Variants in PRKN observed in about 807,000 individuals in gnomAD.
PRKN encodes the protein parkin RBR E3 ubiquitin protein ligase.
In PRKN, 56 loss-of-function variants were observed where a neutral mutation model predicts 59.5. The observed-to-expected ratio is 0.94, with a 90% confidence interval of 0.76 to 1.18. The LOEUF (loss-of-function observed/expected upper bound fraction) is 1.18. Among genes scored for constraint, PRKN ranks in the 50% most tolerant of loss-of-function variants. PRKN has a pLI of 0.00. For missense variants in PRKN, 657 were observed against 596.4 expected, an observed-to-expected ratio of 1.10 and a Z score of -1.06; for synonymous variants, 250 against 222.1, an observed-to-expected ratio of 1.13 and a Z score of -1.12.
At chr6:162,048,753 T>C (rs1200091376) in intron 5 of PRKN, among the ~76,000 whole-genome samples, 1 of 150,962 alleles carries the variant, frequency 6.6e-6, no homozygotes, top group Non-Finnish European at 1.5e-5. Flanking sequence ...ATAAGAGAGT[T>C]TACAAATTTG....
intron 6 of PRKN, among the ~76,000 whole-genome samples, chr6:161,912,815 C>A (rs550741762): frequency 1.3e-5 from 2 of 152,076 alleles, no homozygotes; most frequent in African/African-American, 4.8e-5. Flanking sequence ...ACCACACTGT[C>A]CTCATGGGGC....
intron 1 of PRKN, among the ~76,000 whole-genome samples, chr6:162,480,766 C>G (rs950241697): frequency 5.9e-5 from 9 of 151,984 alleles, no homozygotes; most frequent in Admixed American, 5.2e-4. Flanking sequence ...CAATCATTAC[C>G]CTTTTGTTAG....
intron 1 of PRKN, among the ~76,000 whole-genome samples, chr6:162,469,352 G>T (rs1231569209): frequency 2.4e-5 from 2 of 84,712 alleles, no homozygotes; most frequent in Non-Finnish European, 5.4e-5. Context: ...GGGGTTGCAG[G>T]GGGGGGTGGG....
intron 6 of PRKN, among the ~76,000 whole-genome samples, chr6:161,859,301 G>C (rs1330476604): frequency 6.6e-6 from 1 of 151,640 alleles, no homozygotes; most frequent in African/African-American, 2.4e-5. Context: ...TCACATTTCG[G>C]TTTTCTAGAA....
rs375356695 is a variant in PRKN at position 162,313,486 on chromosome 6, A to C, written c.172-50721T>G. ...GCATGTTGCATGTATATACTGTATC[A>C]ATTTTTTTTTATTTTTTTGAAATGT... On this transcript the variant is annotated intron_variant, in intron 2 of 11. Coordinates refer to ENST00000366898, the MANE Select transcript of PRKN (RefSeq NM_004562.3). 3.6e-4 allele frequency among the ~76,000 whole-genome samples: 55 copies of C among 151,874 alleles called. 1 individual carries two copies. Among genetic ancestry groups the C allele is most frequent in the African/African-American group, 1.2e-3 (50 of 41,412 alleles).
intron 1 of PRKN, among the ~76,000 whole-genome samples, chr6:162,595,980 T>G (rs1781482286): frequency 6.6e-6 from 1 of 152,048 alleles, no homozygotes; most frequent in African/African-American, 2.4e-5. Flanking sequence ...TTCTAACAAG[T>G]TTGCTGTAGA....
At chr6:162,568,051 G>A (rs1780153619) in intron 1 of PRKN, among the ~76,000 whole-genome samples, 1 of 152,060 alleles carries the variant, frequency 6.6e-6, no homozygotes, top group South Asian at 2.1e-4. Flanking sequence ...TGAGAAGACA[G>A]GATATCAATA....
chr6:162,517,842 T>G lies in PRKN; in HGVS notation c.8-74369A>C, dbSNP rs376349216. On this transcript the variant is annotated intron_variant, in intron 1 of 11. Coordinates refer to ENST00000366898, the MANE Select transcript of PRKN (RefSeq NM_004562.3). ...TATATTATATTAACCAACAATCTTT[T>G]AGACTTTAATAGTAGAAGCTGTAGT... Among the ~76,000 whole-genome samples, 8 of 152,334 alleles carry G rather than the reference T, an allele frequency of 5.3e-5. No homozygotes were observed. In the East Asian group the frequency reaches 9.6e-4, roughly 18 times the overall value.
chr6:161,545,377 T>A lies in PRKN; in HGVS notation c.1083+3477A>T, dbSNP rs749277461. On this transcript the variant is annotated intron_variant, in intron 9 of 11. Transcript: ENST00000366898. This position sits in a 1 kb window ranked among gnomAD's most constrained non-coding sequence, Gnocchi z 4.1. ...CTACCAATGACTTTTCCTTGAACGA[T>A]GTATTGAATGAGGCACTCACTTCTC... is the stretch of plus-strand genomic sequence containing the variant. 1.2e-6 allele frequency: 2 copies of A among 1,612,230 alleles called. No individual in the cohort carries two copies. The highest frequency in any genetic ancestry group is 4.5e-5 in the East Asian group (2 of 44,870).
At chr6:162,346,593 C>T (rs1024235280) in intron 2 of PRKN, among the ~76,000 whole-genome samples, 1 of 152,054 alleles carries the variant, frequency 6.6e-6, no homozygotes, top group Admixed American at 6.6e-5. Flanking sequence ...TGTACTCTAG[C>T]CTGGGTGACA....
intron 2 of PRKN, among the ~76,000 whole-genome samples, chr6:162,331,609 G>A (rs1049997192): frequency 1.3e-5 from 2 of 152,084 alleles, no homozygotes; most frequent in African/African-American, 4.8e-5. Flanking sequence ...ACCTAAATTG[G>A]TTTTGTTAGA....
chr6:161,565,882 C>G (rs747739895), intron 8 of PRKN, among the ~76,000 whole-genome samples: 1 of 152,156 alleles, frequency 6.6e-6, no homozygotes, highest in Admixed American at 6.6e-5. Context: ...AATGCTCATA[C>G]GTCTGTGCCT....
chr6:161,641,552 G>A (rs1205623305), intron 7 of PRKN, among the ~76,000 whole-genome samples: 1 of 152,182 alleles, frequency 6.6e-6, no homozygotes, highest in African/African-American at 2.4e-5. Context: ...TTTTCTGGGA[G>A]ACTGACAGAG....
chr6:162,636,254 GAA>G lies in PRKN; in HGVS notation c.7+91406_7+91407del, dbSNP rs34689944. Among the ~76,000 whole-genome samples, 346 of 149,102 alleles carry G rather than the reference GAA, an allele frequency of 2.3e-3. 4 individuals are homozygous for G. Among genetic ancestry groups the G allele is most frequent in the African/African-American group, 5.7e-3 (234 of 40,870 alleles). Reference sequence around the variant, plus strand: ...TTTTTTCTTTTGCAACAAGTCAGTAGAAAAAAAAAAAATCTTAGTGACATAAA... The same window carrying G: ...TTTTTTCTTTTGCAACAAGTCAGTAGAAAAAAAAAATCTTAGTGACATAAA... On this transcript the variant is annotated intron_variant, in intron 1 of 11. Transcript: ENST00000366898.
chr6:162,558,171 G>A (rs1220536612), intron 1 of PRKN, among the ~76,000 whole-genome samples: 4 of 152,030 alleles, frequency 2.6e-5, no homozygotes, highest in Non-Finnish European at 4.4e-5. Context: ...TCTTTATGGT[G>A]ACTATTATGC....
chr6:161,564,638 C>T (rs1562528567), intron 8 of PRKN, among the ~76,000 whole-genome samples: 1 of 152,202 alleles, frequency 6.6e-6, no homozygotes. Context: ...TTTTCCCTTT[C>T]TCCTTCTAAA....
intron 5 of PRKN, among the ~76,000 whole-genome samples, chr6:161,985,315 G>C (rs1781395963): frequency 6.6e-6 from 1 of 152,180 alleles, no homozygotes; most frequent in Admixed American, 6.5e-5. Context: ...TTTGCTAGTT[G>C]CATGTTTAGG....
chr6:162,098,662 A>G (rs982830235), intron 4 of PRKN, among the ~76,000 whole-genome samples: 1 of 152,168 alleles, frequency 6.6e-6, no homozygotes, highest in Admixed American at 6.5e-5. Context: ...CTTCCTTCCT[A>G]TATTTTACTC....
chr6:161,798,109 G>A (rs768108629), intron 6 of PRKN, among the ~76,000 whole-genome samples: 2 of 152,206 alleles, frequency 1.3e-5, no homozygotes, highest in African/African-American at 4.8e-5. Flanking sequence ...GCTAAGGCGG[G>A]AGAATGGCTT....
Sources: gnomAD v4.1 joint callset for allele counts (sites outside exome capture counted in the v4.1 genomes callset) on GRCh38, gnomAD v4.1.1 for gene constraint, Gnocchi (gnomAD v3.1) non-coding constraint, MANE v1.5 for transcripts, NCBI Gene and HGNC (gene_info 2026-07-23, HGNC 2026-07-21) for gene names.